The following KLHL18 variants were observed in gnomAD, a reference collection of about 807,000 sequenced individuals.
KLHL18 encodes the protein kelch-like protein 18.
Under a neutral mutation model 58.5 loss-of-function variants are expected in KLHL18, and 38 were observed. That is an observed-to-expected ratio of 0.65 (90% CI 0.50 to 0.85). The LOEUF is 0.85. KLHL18 is among the 40% of genes least tolerant of loss of function. The pLI is 0.00. For missense variants in KLHL18, 624 were observed against 778.4 expected, an observed-to-expected ratio of 0.80 and a Z score of 2.36; for synonymous variants, 303 against 301.9, an observed-to-expected ratio of 1.00 and a Z score of -0.04.
chr3:47,289,768 C>T (rs1239312545), intron 1 of KLHL18, among the ~76,000 whole-genome samples: 2 of 151,960 alleles, frequency 1.3e-5, no homozygotes, highest in Non-Finnish European at 2.9e-5. Context: ...CTGGCAATAG[C>T]GTGACTCTGT....
chr3:47,331,227 A>G (rs1041670096), intron 4 of KLHL18, among the ~76,000 whole-genome samples: 1 of 151,926 alleles, frequency 6.6e-6, no homozygotes, highest in Admixed American at 6.6e-5. Flanking sequence ...CCCGGGTTCA[A>G]GCAATTCTCC....
chr3:47,339,183 G>C (rs1704051112), intron 7 of KLHL18, among the ~76,000 whole-genome samples: 1 of 152,108 alleles, frequency 6.6e-6, no homozygotes, highest in South Asian at 2.1e-4. Flanking sequence ...CTTCCTTGCA[G>C]GGTGTGCTAA....
intron 4 of KLHL18, among the ~76,000 whole-genome samples, chr3:47,330,706 A>G (rs1294827077): frequency 6.6e-6 from 1 of 152,140 alleles, no homozygotes; most frequent in Non-Finnish European, 1.5e-5. Flanking sequence ...TCCTCCTGTG[A>G]ACCAGAAACA....
At chr3:47,329,923 A>ATT in intron 3 of KLHL18, 28 bp from the exon 4 acceptor site, 15 of 1,451,236 alleles carry the variant, frequency 1.0e-5, no homozygotes, top group Non-Finnish European at 1.4e-5. Flanking sequence ...TCTTCCTCTA[A>ATT]TTTTTTTTTT....
At chr3:47,328,097 G>A (rs886178720) in intron 3 of KLHL18, among the ~76,000 whole-genome samples, 1 of 152,190 alleles carries the variant, frequency 6.6e-6, no homozygotes, top group Non-Finnish European at 1.5e-5. Flanking sequence ...GGGCACAGTG[G>A]CTCATGCCTG....
At chr3:47,297,824 T>G (rs1702928300) in intron 1 of KLHL18, among the ~76,000 whole-genome samples, 1 of 152,162 alleles carries the variant, frequency 6.6e-6, no homozygotes, top group East Asian at 1.9e-4. Flanking sequence ...GGAAGAATAT[T>G]CAGCCTGGAT....
At chr3:47,307,625 G>T (rs1461849465) in intron 1 of KLHL18, among the ~76,000 whole-genome samples, 1 of 150,546 alleles carries the variant, frequency 6.6e-6, no homozygotes, top group African/African-American at 2.4e-5. Flanking sequence ...CCTGGGCTCA[G>T]GCAGTCCTCC....
chr3:47,308,648 C>T (rs570986450), intron 1 of KLHL18, among the ~76,000 whole-genome samples: 1 of 152,222 alleles, frequency 6.6e-6, no homozygotes, highest in Non-Finnish European at 1.5e-5. Context: ...GCCTTGGCCT[C>T]GCAAAGTGCT....
chr3:47,308,574 A>G (rs1703203451), intron 1 of KLHL18, among the ~76,000 whole-genome samples: 1 of 152,108 alleles, frequency 6.6e-6, no homozygotes, highest in Admixed American at 6.5e-5. Flanking sequence ...TATTTTTAGT[A>G]GAGACGGGGT....
intron 1 of KLHL18, among the ~76,000 whole-genome samples, chr3:47,292,922 AAG>A (rs988359636): frequency 6.6e-6 from 1 of 150,556 alleles, no homozygotes; most frequent in African/African-American, 2.5e-5. Flanking sequence ...AAAAAAAAAA[AAG>A]TATATACATA....
At position 47,283,058 on chromosome 3, in the gene KLHL18, C is replaced by T. The variant is rs770817077; in HGVS notation, c.93C>T (p.Ile31=). The change falls in exon 1 of 10, where the codon ATC becomes ATT. Residue 31 remains isoleucine, a synonymous_variant. Coordinates refer to ENST00000232766, the MANE Select transcript of KLHL18 (RefSeq NM_025010.5). ...GCGGCTACGGCGTCATGGAGGAGAT[C>T]CGGCGGCAGGGCAAGCTGTGCGACG... is the stretch of plus-strand genomic sequence containing the variant. ...PSRGYGVMEE[I]RRQGKLCDVT... is the part of the protein sequence containing the mutation. 6.3e-7 allele frequency: 1 copy of T among 1,595,834 alleles called. No individual in the cohort carries two copies. The highest frequency in any genetic ancestry group is 1.1e-5 in the South Asian group (1 of 88,110).
At chr3:47,285,564 A>G (rs1436966940) in intron 1 of KLHL18, among the ~76,000 whole-genome samples, 1 of 151,994 alleles carries the variant, frequency 6.6e-6, no homozygotes, top group Non-Finnish European at 1.5e-5. Flanking sequence ...TGGGGAAAAA[A>G]AAAAAAAGAT....
At position 47,328,581 on chromosome 3, in the gene KLHL18, T is replaced by C. The variant is rs371966167; in HGVS notation, c.402-1370T>C. ...CCTGGGTTTCTCTAGCCCTGATGAGTGTAAGTCTGCCAGGCTACCGTGGGA... is the reference window on the plus strand; with the variant it reads ...CCTGGGTTTCTCTAGCCCTGATGAGCGTAAGTCTGCCAGGCTACCGTGGGA... On this transcript the variant is annotated intron_variant, in intron 3 of 9. Transcript: ENST00000232766. Among the ~76,000 whole-genome samples the C allele has an allele frequency of 3.2e-4, 48 of 151,948 alleles. No individual in the cohort carries two copies. The East Asian group carries it at 4.8e-3, about 15-fold the overall frequency.
intron 1 of KLHL18, among the ~76,000 whole-genome samples, chr3:47,316,100 A>C (rs371357970): frequency 6.6e-6 from 1 of 152,292 alleles, no homozygotes; most frequent in East Asian, 1.9e-4. Flanking sequence ...AGGAGAAAAA[A>C]TTACAATAGG....
chr3:47,291,379 C>T (rs1049713393), intron 1 of KLHL18, among the ~76,000 whole-genome samples: 6 of 152,216 alleles, frequency 3.9e-5, no homozygotes, highest in African/African-American at 1.4e-4. Flanking sequence ...AACATCCAAG[C>T]AGCTGATTAC....
intron 1 of KLHL18, among the ~76,000 whole-genome samples, chr3:47,296,905 T>G (rs1328007240): frequency 6.6e-6 from 1 of 152,222 alleles, no homozygotes; most frequent in African/African-American, 2.4e-5. Context: ...TGCAAATCAG[T>G]TGAAGTTGGT....
intron 1 of KLHL18, among the ~76,000 whole-genome samples, chr3:47,315,705 G>A (rs1703404651): frequency 6.6e-6 from 1 of 152,066 alleles, no homozygotes; most frequent in African/African-American, 2.4e-5. Flanking sequence ...AGTGTCACCA[G>A]ACATTTAAAG....
chr3:47,292,653 C>T (rs1210919150), intron 1 of KLHL18, among the ~76,000 whole-genome samples: 1 of 152,010 alleles, frequency 6.6e-6, no homozygotes, highest in East Asian at 1.9e-4. Flanking sequence ...TGCCTATAAT[C>T]CCAGCACTTT....
chr3:47,327,263 A>G (rs1433537816), intron 3 of KLHL18, among the ~76,000 whole-genome samples: 1 of 152,226 alleles, frequency 6.6e-6, no homozygotes, highest in African/African-American at 2.4e-5. Flanking sequence ...GGAAAAAAAA[A>G]GGTGTGTTTT....
Sources: allele counts gnomAD v4.1 joint callset (sites outside exome capture counted in the v4.1 genomes callset), GRCh38; gene constraint gnomAD v4.1.1; transcripts MANE v1.5; gene names NCBI Gene and HGNC (gene_info 2026-07-23, HGNC 2026-07-21).